The following COL25A1 variants were observed in gnomAD, a reference collection of about 807,000 sequenced individuals.
COL25A1 encodes the protein collagen alpha-1(XXV) chain.
COL25A1 carries 103 observed loss-of-function variants against 128.4 expected under a neutral mutation model. That is an observed-to-expected ratio of 0.80 (90% CI 0.68 to 0.94). The LOEUF (loss-of-function observed/expected upper bound fraction) is 0.94. COL25A1 is among the 40% of genes least tolerant of loss of function. The pLI is 0.00. For missense variants in COL25A1, 745 were observed against 840.0 expected, an observed-to-expected ratio of 0.89 and a Z score of 1.40; for synonymous variants, 279 against 277.2, an observed-to-expected ratio of 1.01 and a Z score of -0.06.
intron 3 of COL25A1, among the ~76,000 whole-genome samples, chr4:109,191,819 T>G (rs971951512): frequency 6.6e-6 from 1 of 152,218 alleles, no homozygotes; most frequent in African/African-American, 2.4e-5. Context: ...TTACAAAGTG[T>G]ATGAAAGCAC....
At chr4:109,021,536 CAT>C (rs1234943662) in intron 5 of COL25A1, among the ~76,000 whole-genome samples, 5 of 152,096 alleles carry the variant, frequency 3.3e-5, no homozygotes, top group Non-Finnish European at 4.4e-5. Context: ...GATTGTAAAA[CAT>C]GTGTTTGAAC....
chr4:109,227,541 A>C (rs1231401012), intron 3 of COL25A1, among the ~76,000 whole-genome samples: 1 of 151,962 alleles, frequency 6.6e-6, no homozygotes, highest in Non-Finnish European at 1.5e-5. Context: ...TCCATTTGAA[A>C]GTCTGGTTAT....
chr4:109,258,337 T>A (rs1781212680), intron 3 of COL25A1, among the ~76,000 whole-genome samples: 1 of 152,240 alleles, frequency 6.6e-6, no homozygotes. Flanking sequence ...TAAAACTGAA[T>A]CCCAATATTG....
At chr4:108,818,062 GAATAA>G (rs142734383) in intron 36 of COL25A1, among the ~76,000 whole-genome samples, 3,802 of 152,100 alleles carry the variant, frequency 0.025, 73 homozygotes, top group Middle Eastern at 0.037. Flanking sequence ...AACAAATTCT[GAATAA>G]AATAAGAGGT....
chr4:109,173,318 G>T (rs1773771620), intron 3 of COL25A1, among the ~76,000 whole-genome samples: 1 of 152,002 alleles, frequency 6.6e-6, no homozygotes, highest in Non-Finnish European at 1.5e-5. Context: ...AAACACCTGG[G>T]CTCAAACAAT....
At chr4:108,882,316 C>T (rs1473472609) in intron 19 of COL25A1, among the ~76,000 whole-genome samples, 1 of 149,952 alleles carries the variant, frequency 6.7e-6, no homozygotes, top group Non-Finnish European at 1.5e-5. Context: ...CAAGTACTCT[C>T]TCTCTCCAAG....
At chr4:109,256,348 G>A (rs547675350) in intron 3 of COL25A1, among the ~76,000 whole-genome samples, 1 of 152,016 alleles carries the variant, frequency 6.6e-6, no homozygotes, top group African/African-American at 2.4e-5. Flanking sequence ...AGCCATAAGC[G>A]ACCTTTAAGG....
At chr4:109,165,950 A>G (rs1290053204) in intron 3 of COL25A1, among the ~76,000 whole-genome samples, 1 of 152,238 alleles carries the variant, frequency 6.6e-6, no homozygotes, top group Non-Finnish European at 1.5e-5. Context: ...ATCTGGAATT[A>G]CAACATTTAA....
chr4:109,069,759 T>C (rs374817170), intron 3 of COL25A1, among the ~76,000 whole-genome samples: 1 of 152,302 alleles, frequency 6.6e-6, no homozygotes, highest in South Asian at 2.1e-4. Context: ...CTATTTTCTT[T>C]TCCTGGAGAA....
intron 3 of COL25A1, among the ~76,000 whole-genome samples, chr4:109,298,289 C>T (rs921207655): frequency 6.6e-6 from 1 of 152,158 alleles, no homozygotes; most frequent in Non-Finnish European, 1.5e-5. Context: ...TATGATTACC[C>T]TTAGAGCCTA....
chr4:109,207,348 T>C (rs1202210832), intron 3 of COL25A1, among the ~76,000 whole-genome samples: 1 of 152,110 alleles, frequency 6.6e-6, no homozygotes, highest in African/African-American at 2.4e-5. Flanking sequence ...CTTTAACATC[T>C]TGGCAGTCTT....
intron 3 of COL25A1, among the ~76,000 whole-genome samples, chr4:109,180,232 C>T (rs1364186110): frequency 6.6e-6 from 1 of 152,038 alleles, no homozygotes; most frequent in Non-Finnish European, 1.5e-5. Context: ...AACATAAGAC[C>T]TTTGGCAACA....
chr4:109,247,942 C>T (rs1394317495), intron 3 of COL25A1, among the ~76,000 whole-genome samples: 3 of 152,010 alleles, frequency 2.0e-5, no homozygotes. Flanking sequence ...ATCAAGAGAG[C>T]TTACTGTCAT....
chr4:108,827,327 T>C (rs1732517049), intron 32 of COL25A1, 139 bp from the exon 33 acceptor site: 4 of 724,772 alleles, frequency 5.5e-6, no homozygotes, highest in South Asian at 4.9e-5. Flanking sequence ...GCAGAGTCAC[T>C]GCCAGTGATA....
At chr4:109,150,701 C>T (rs940033173) in intron 3 of COL25A1, among the ~76,000 whole-genome samples, 8 of 152,066 alleles carry the variant, frequency 5.3e-5, no homozygotes, top group African/African-American at 1.7e-4. Flanking sequence ...TGACAAATTT[C>T]AATGCTGGAA....
chr4:109,173,981 T>C (rs1773826945), intron 3 of COL25A1, among the ~76,000 whole-genome samples: 1 of 152,148 alleles, frequency 6.6e-6, no homozygotes, highest in Non-Finnish European at 1.5e-5. Flanking sequence ...TTAGAGCACT[T>C]CAGATTTTGG....
At chr4:109,112,805 A>G (rs1032071810) in intron 3 of COL25A1, among the ~76,000 whole-genome samples, 3 of 152,192 alleles carry the variant, frequency 2.0e-5, no homozygotes, top group African/African-American at 7.2e-5. Context: ...TTCTTTGTGC[A>G]GCATTCTTTC....
At chr4:109,055,204 A>G (rs976844727) in intron 3 of COL25A1, among the ~76,000 whole-genome samples, 1 of 152,208 alleles carries the variant, frequency 6.6e-6, no homozygotes, top group African/African-American at 2.4e-5. Flanking sequence ...TGGTAGAAGT[A>G]GAACACTAAA....
chr4:109,020,208 T>A (rs1227702785), intron 5 of COL25A1, among the ~76,000 whole-genome samples: 1 of 152,208 alleles, frequency 6.6e-6, no homozygotes, highest in East Asian at 1.9e-4. Context: ...AGAACTCTTA[T>A]ACACTTGACT....
Sources: gnomAD v4.1 joint callset for allele counts (sites outside exome capture counted in the v4.1 genomes callset) on GRCh38, gnomAD v4.1.1 for gene constraint, MANE v1.5 for transcripts, NCBI Gene and HGNC (gene_info 2026-07-23, HGNC 2026-07-21) for gene names.